Variants in PARD3 observed in about 807,000 individuals in gnomAD.
PARD3 encodes the protein partitioning defective 3 homolog.
Under a neutral mutation model 155.4 loss-of-function variants are expected in PARD3, and 75 were observed. That is an observed-to-expected ratio of 0.48 (90% CI 0.40 to 0.58). The LOEUF is 0.58. PARD3 is among the 20% of genes least tolerant of loss of function. PARD3 has a pLI of 0.00. For synonymous variants in PARD3, 576 were observed against 610.5 expected, an observed-to-expected ratio of 0.94 and a Z score of 0.83; for missense variants, 1,642 against 1,721.7, an observed-to-expected ratio of 0.95 and a Z score of 0.82.
intron 20 of PARD3, among the ~76,000 whole-genome samples, chr10:34,288,841 A>G (rs947046257): frequency 1.3e-5 from 2 of 152,206 alleles, no homozygotes; most frequent in Non-Finnish European, 2.9e-5. Context: ...TGACTCACAC[A>G]AACGTTCAAA....
Position 34,626,495 on chromosome 10 carries a change from A to G in PARD3, c.222+69823T>C, listed in dbSNP as rs186245557. ...GAGGCCAAGGGATGGAAAGGAAGAC[A>G]AAGAGAACAAACAATGTAATTGGAC... On this transcript the variant is annotated intron_variant, in intron 2 of 24. Transcript: ENST00000374788. Among the ~76,000 whole-genome samples, 401 of 152,372 alleles carry G rather than the reference A, an allele frequency of 2.6e-3. 1 individual carries two copies. Among genetic ancestry groups the G allele is most frequent in the African/African-American group, 9.1e-3 (377 of 41,588 alleles).
intron 2 of PARD3, among the ~76,000 whole-genome samples, chr10:34,676,455 C>T (rs2093708993): frequency 6.6e-6 from 1 of 152,082 alleles, no homozygotes; most frequent in East Asian, 1.9e-4. Context: ...TTCGTCTACC[C>T]GCAATGTCCC....
chr10:34,119,518 G>A, intron 24 of PARD3, 95 bp downstream of exon 24: 2 of 1,265,482 alleles, frequency 1.6e-6, no homozygotes, highest in Non-Finnish European at 2.1e-6. Context: ...GCAAGCTGGA[G>A]AGGCCCCAGT....
chr10:34,772,427 C>A (rs1362470747), intron 1 of PARD3, among the ~76,000 whole-genome samples: 2 of 152,084 alleles, frequency 1.3e-5, no homozygotes, highest in African/African-American at 2.4e-5. Context: ...AATGTTGATA[C>A]CAACTGACAA....
chr10:34,732,962 G>A (rs1378521049), intron 1 of PARD3, among the ~76,000 whole-genome samples: 2 of 152,102 alleles, frequency 1.3e-5, no homozygotes, highest in Non-Finnish European at 2.9e-5. Context: ...GACCCACGGA[G>A]GAGCTCCTCT....
intron 2 of PARD3, among the ~76,000 whole-genome samples, chr10:34,624,358 C>G (rs1471341412): frequency 1.3e-5 from 2 of 152,106 alleles, no homozygotes; most frequent in African/African-American, 4.8e-5. Flanking sequence ...TGAAAGAAAA[C>G]TAGGTAAAAA....
chr10:34,110,247 C>G lies in PARD3; in HGVS notation c.*922G>C, dbSNP rs1946333362. On this transcript the variant is annotated 3_prime_UTR_variant, in exon 25 of 25. Transcript: ENST00000374788. Reference sequence around the variant, plus strand: ...AGATCAAAATGACTGTCTGGTTTATCTCTGTCCCATTCTGTGCCCTTCCTG... The same window carrying G: ...AGATCAAAATGACTGTCTGGTTTATGTCTGTCCCATTCTGTGCCCTTCCTG... The G allele has an allele frequency of 6.6e-6, 1 of 152,230 alleles. No homozygotes were observed. The highest frequency in any genetic ancestry group is 2.1e-4 in the South Asian group (1 of 4,834). 9.4% of individuals were successfully genotyped at this position (152,230 alleles called of 1,614,324 possible).
intron 2 of PARD3, among the ~76,000 whole-genome samples, chr10:34,640,819 C>G (rs2092656231): frequency 6.7e-6 from 1 of 150,212 alleles, no homozygotes; most frequent in Non-Finnish European, 1.5e-5. Context: ...CCATTGCCAG[C>G]TATATATTCT....
intron 2 of PARD3, among the ~76,000 whole-genome samples, chr10:34,634,176 C>T (rs1004835845): frequency 6.6e-5 from 10 of 152,212 alleles, no homozygotes; most frequent in African/African-American, 1.9e-4. Flanking sequence ...AGATCCAAGG[C>T]GGCTTGTTTG....
intron 5 of PARD3, among the ~76,000 whole-genome samples, chr10:34,424,161 T>G (rs1028661005): frequency 1.3e-5 from 2 of 152,206 alleles, no homozygotes; most frequent in Non-Finnish European, 2.9e-5. Context: ...TAAAAATTGA[T>G]GAACACTTCC....
At position 34,174,942 on chromosome 10, in the gene PARD3, ATTAAT is replaced by A. The variant is rs373485078; in HGVS notation, c.3420-43364_3420-43360del. 7.8e-4 allele frequency among the ~76,000 whole-genome samples: 119 copies of A among 152,280 alleles called. 2 individuals are homozygous for A. The highest frequency in any genetic ancestry group is 7.5e-3 in the South Asian group (36 of 4,828). Reference sequence around the variant, plus strand: ...TATTTATAATACAATTCGTTTCAAAATTAATTTAAGATTCATTGTATTTTTTTTCT... The same window carrying A: ...TATTTATAATACAATTCGTTTCAAAATTAAGATTCATTGTATTTTTTTTCT... On this transcript the variant is annotated intron_variant, in intron 22 of 24. Coordinates refer to ENST00000374788, the MANE Select transcript of PARD3 (RefSeq NM_001184785.2).
intron 14 of PARD3, among the ~76,000 whole-genome samples, chr10:34,355,309 C>T (rs76485429): frequency 0.067 from 10,235 of 152,138 alleles, 461 homozygotes; most frequent in Non-Finnish European, 0.096. Context: ...GCCTAGGCAA[C>T]AGAGCGAGAG....
chr10:34,450,816 T>A (rs2077017325), intron 4 of PARD3, among the ~76,000 whole-genome samples: 1 of 152,196 alleles, frequency 6.6e-6, no homozygotes, highest in Non-Finnish European at 1.5e-5. Flanking sequence ...CATTTTCCCT[T>A]CTTTCCAGTC....
chr10:34,436,463 G>C (rs1043382057), intron 5 of PARD3, among the ~76,000 whole-genome samples: 13 of 152,224 alleles, frequency 8.5e-5, no homozygotes, highest in African/African-American at 3.1e-4. Context: ...TGAGGTGATA[G>C]AGTGAACAGG....
At chr10:34,769,614 G>A (rs1003458453) in intron 1 of PARD3, among the ~76,000 whole-genome samples, 1 of 151,594 alleles carries the variant, frequency 6.6e-6, no homozygotes, top group African/African-American at 2.4e-5. Context: ...AAATTAGCCT[G>A]GCACATAGTG....
chr10:34,422,125 A>G (rs899338382), intron 5 of PARD3, among the ~76,000 whole-genome samples: 1 of 152,186 alleles, frequency 6.6e-6, no homozygotes, highest in Non-Finnish European at 1.5e-5. Context: ...CAGTTTATGA[A>G]TAATCCACCT....
chr10:34,355,188 G>A lies in PARD3; in HGVS notation c.2067+3959C>T, dbSNP rs111797635. Reference sequence around the variant, plus strand: ...CCATCTTTAAAGAAAAATTAGTTGGGTGTGGTGGTGCATGCCTGTGGTCCC... The same window carrying A: ...CCATCTTTAAAGAAAAATTAGTTGGATGTGGTGGTGCATGCCTGTGGTCCC... On this transcript the variant is annotated intron_variant, in intron 14 of 24. Coordinates refer to ENST00000374788, the MANE Select transcript of PARD3 (RefSeq NM_001184785.2). Among the ~76,000 whole-genome samples the A allele has an allele frequency of 9.0e-3, 1,375 of 152,264 alleles. 19 individuals carry two copies. The highest frequency in any genetic ancestry group is 0.031 in the African/African-American group (1,306 of 41,544).
chr10:34,199,692 T>C (rs533796103), intron 22 of PARD3, among the ~76,000 whole-genome samples: 2 of 152,298 alleles, frequency 1.3e-5, no homozygotes, highest in East Asian at 3.9e-4. Context: ...TCCTACTAGT[T>C]GTGGAGCAAG....
chr10:34,523,689 A>T (rs1164220536), intron 2 of PARD3, among the ~76,000 whole-genome samples: 1 of 152,220 alleles, frequency 6.6e-6, no homozygotes, highest in Non-Finnish European at 1.5e-5. Context: ...AGAAGAGAAT[A>T]GAAAGAAAAT....
Sources: gnomAD v4.1 joint callset for allele counts (sites outside exome capture counted in the v4.1 genomes callset) on GRCh38, gnomAD v4.1.1 for gene constraint, MANE v1.5 for transcripts, NCBI Gene and HGNC (gene_info 2026-07-23, HGNC 2026-07-21) for gene names.